The following NUGGC variants were observed in gnomAD, a reference collection of about 807,000 sequenced individuals.
The protein encoded by NUGGC is nuclear GTPase, germinal center associated, also known as nuclear GTPase SLIP-GC.
NUGGC carries 58 observed loss-of-function variants against 92.6 expected under a neutral mutation model. The observed-to-expected ratio is 0.63, with a 90% CI of 0.51 to 0.78. The LOEUF (loss-of-function observed/expected upper bound fraction) is 0.78. Among genes scored for constraint, NUGGC ranks in the 30% least tolerant of loss-of-function variants. The probability of loss-of-function intolerance (pLI) is 0.00; values close to 1 mark genes in which losing one functional copy is unlikely to be tolerated. For missense variants in NUGGC, 925 were observed against 964.6 expected, an observed-to-expected ratio of 0.96 and a Z score of 0.54; for synonymous variants, 376 against 366.4, an observed-to-expected ratio of 1.03 and a Z score of -0.30.
rs34648549 is a variant in NUGGC at position 28,062,452 on chromosome 8, CA to C, written c.922-1852del. On this transcript the variant is annotated intron_variant, in intron 7 of 18. Transcript: ENST00000413272. Reference sequence around the variant, plus strand: ...GCAATATGGTAAAATCTCATCTCTACAAAAAAAAAAAAAAATTAGCCAAGTG... The same window carrying C: ...GCAATATGGTAAAATCTCATCTCTACAAAAAAAAAAAAAATTAGCCAAGTG... 2.5e-3 allele frequency among the ~76,000 whole-genome samples: 328 copies of C among 132,024 alleles called. 1 individual carries two copies. Among genetic ancestry groups the C allele is most frequent in the African/African-American group, 3.4e-3 (122 of 35,678 alleles). The allele number at this position is 132,024 out of a possible 152,430, so 86.6% of individuals were successfully genotyped here.
intron 10 of NUGGC, among the ~76,000 whole-genome samples, chr8:28,050,827 C>T (rs1298333620): frequency 6.7e-6 from 1 of 150,332 alleles, no homozygotes. Flanking sequence ...AAAAAAAAAT[C>T]ATGACCTGAT....
At chr8:28,032,223 T>G (rs1004949043) in intron 14 of NUGGC, among the ~76,000 whole-genome samples, 1 of 151,612 alleles carries the variant, frequency 6.6e-6, no homozygotes, top group African/African-American at 2.4e-5. Flanking sequence ...GGGGGTGCAA[T>G]CGATGGAATG....
chr8:28,071,798 G>T (rs1810596550), intron 2 of NUGGC, among the ~76,000 whole-genome samples: 1 of 152,186 alleles, frequency 6.6e-6, no homozygotes, highest in Admixed American at 6.5e-5. Context: ...CAGGGCTCCT[G>T]GGGCTGGCCT....
chr8:28,023,339 C>G lies in NUGGC; in HGVS notation c.2369G>C (p.Gly790Ala), dbSNP rs749037056. The G allele has an allele frequency of 4.3e-6, 7 of 1,613,422 alleles. No homozygotes were observed. Among genetic ancestry groups the G allele is most frequent in the South Asian group, 2.2e-5 (2 of 90,998 alleles). Residue 790 changes from glycine (G) to alanine (A), a missense_variant, in exon 19 of 19, where the codon GGC becomes GCC. Coordinates refer to ENST00000413272, the MANE Select transcript of NUGGC (RefSeq NM_001010906.2). ...FLLRASPSKA[G>A]PPGTSL is the part of the protein sequence containing the mutation. The stretch of plus-strand genomic sequence containing the variant: ...GAGTTACAGTGATGTCCCGGGGGGG[C>G]CAGCCTTGCTGGGGGATGCCCTTAG...
intron 7 of NUGGC, among the ~76,000 whole-genome samples, chr8:28,063,650 C>G (rs566217412): frequency 6.6e-6 from 1 of 152,184 alleles, no homozygotes; most frequent in Non-Finnish European, 1.5e-5. Context: ...AAGTGACTTT[C>G]CCTCTCTGAG....
chr8:28,058,008 G>A (rs1027046624), intron 9 of NUGGC, among the ~76,000 whole-genome samples: 5 of 152,100 alleles, frequency 3.3e-5, no homozygotes, highest in Admixed American at 1.3e-4. Context: ...CCTGGCCAAC[G>A]TGGTGAAACC....
At chr8:28,024,151 G>C (rs967052304) in intron 18 of NUGGC, among the ~76,000 whole-genome samples, 1 of 150,506 alleles carries the variant, frequency 6.6e-6, no homozygotes, top group African/African-American at 2.5e-5. Context: ...CACCCAACTA[G>C]CTGGGATTAC....
At chr8:28,082,666 G>A (rs1233202263) in intron 1 of NUGGC, among the ~76,000 whole-genome samples, 1 of 152,192 alleles carries the variant, frequency 6.6e-6, no homozygotes, top group Non-Finnish European at 1.5e-5. Flanking sequence ...ACTTTGGGAG[G>A]CTGAGAGGAG....
At chr8:28,054,803 C>A (rs1156692434) in intron 10 of NUGGC, among the ~76,000 whole-genome samples, 1 of 152,088 alleles carries the variant, frequency 6.6e-6, no homozygotes, top group Admixed American at 6.5e-5. Context: ...GTCCCAGCTA[C>A]GTGGGAGGCT....
At chr8:28,047,947 CAT>C (rs1809882985) in intron 10 of NUGGC, among the ~76,000 whole-genome samples, 1 of 152,328 alleles carries the variant, frequency 6.6e-6, no homozygotes, top group East Asian at 1.9e-4. Context: ...AAAAGAAACA[CAT>C]GTCTGGAATA....
At position 28,073,158 on chromosome 8, in the gene NUGGC, C is replaced by T. The variant is rs1482159251; in HGVS notation, c.43+1210G>A. Among the ~76,000 whole-genome samples the T allele has an allele frequency of 2.7e-5, 4 of 147,460 alleles. No individual in the cohort carries two copies. The East Asian group carries it at 5.9e-4, about 22-fold the overall frequency. The stretch of plus-strand genomic sequence containing the variant: ...CTGGAACTACAGGCACTCACCACCA[C>T]GCCTGGCTAATTTTTTTTTCTTTTT... On this transcript the variant is annotated intron_variant, in intron 2 of 18. Transcript: ENST00000413272.
Position 28,026,986 on chromosome 8 carries a change from C to T in NUGGC, c.2221G>A (p.Asp741Asn), listed in dbSNP as rs1225922255. ...TMLALASSQG[D>N]GLYKELADVG... ...CCTGCAAGCTCCTTGTAGAGGCCATCCCCCTGGGACGAAGCAAGGGCCAGC... is the reference window on the plus strand; with the variant it reads ...CCTGCAAGCTCCTTGTAGAGGCCATTCCCCTGGGACGAAGCAAGGGCCAGC... Residue 741 changes from aspartate to asparagine, a missense_variant, in exon 18 of 19, where the codon GAT becomes AAT. Asp to Asn is a conservative substitution (Grantham distance 23). Transcript: ENST00000413272. 6.2e-7 allele frequency: 1 copy of T among 1,613,286 alleles called. No individual in the cohort carries two copies. The highest frequency in any genetic ancestry group is 8.5e-7 in the Non-Finnish European group (1 of 1,179,272).
intron 18 of NUGGC, among the ~76,000 whole-genome samples, chr8:28,024,248 T>G (rs1437730893): frequency 2.7e-5 from 4 of 150,470 alleles, no homozygotes; most frequent in Non-Finnish European, 5.9e-5. Flanking sequence ...TTTCACCACG[T>G]TGGCCAGGCT....
chr8:28,027,440 G>T (rs1022586460), intron 17 of NUGGC, among the ~76,000 whole-genome samples: 1 of 152,148 alleles, frequency 6.6e-6, no homozygotes, highest in African/African-American at 2.4e-5. Context: ...TCTCGTCCAT[G>T]CATCTGCTCA....
chr8:28,063,384 C>G (rs1810356048), intron 7 of NUGGC, among the ~76,000 whole-genome samples: 1 of 152,356 alleles, frequency 6.6e-6, no homozygotes, highest in South Asian at 2.1e-4. Context: ...CCCTGGCAGC[C>G]TTCCTGGGCT....
chr8:28,079,256 T>C, intron 1 of NUGGC, among the ~76,000 whole-genome samples: 1 of 152,112 alleles, frequency 6.6e-6, no homozygotes, highest in Non-Finnish European at 1.5e-5. Flanking sequence ...GAATAAAGAA[T>C]GCGGGCCGGG....
At chr8:28,065,994 TAGA>T (rs1250512685) in intron 6 of NUGGC, among the ~76,000 whole-genome samples, 28 of 63,962 alleles carry the variant, frequency 4.4e-4, no homozygotes, top group Admixed American at 3.8e-3. Context: ...AACATCGTTG[TAGA>T]AGGCCTTGAT....
intron 16 of NUGGC, 94 bp downstream of exon 16, chr8:28,030,216 A>G: frequency 1.4e-6 from 1 of 718,146 alleles, no homozygotes. Context: ...GGTGCAAGAG[A>G]ACAGGGCCTT....
At chr8:28,069,310 C>T (rs1258574040) in intron 4 of NUGGC, among the ~76,000 whole-genome samples, 2 of 152,122 alleles carry the variant, frequency 1.3e-5, no homozygotes, top group Non-Finnish European at 2.9e-5. Flanking sequence ...ATAGCTCCTA[C>T]TTTATAGGAG....
Sources: gnomAD v4.1 joint callset for allele counts (sites outside exome capture counted in the v4.1 genomes callset) on GRCh38, gnomAD v4.1.1 for gene constraint, MANE v1.5 for transcripts, NCBI Gene and HGNC (gene_info 2026-07-23, HGNC 2026-07-21) for gene names.